The following THSD7A variants were observed in gnomAD, a reference collection of about 807,000 sequenced individuals.
The protein encoded by THSD7A is thrombospondin type 1 domain containing 7A, also known as thrombospondin type-1 domain-containing protein 7A.
A neutral mutation model predicts 231.3 loss-of-function variants in THSD7A; 96 were observed. The observed-to-expected ratio is 0.41, with a 90% CI of 0.35 to 0.49. THSD7A has a LOEUF of 0.49. THSD7A is among the 20% of genes least tolerant of loss of function. THSD7A has a pLI of 0.05. For synonymous variants in THSD7A, 940 were observed against 743.3 expected, an observed-to-expected ratio of 1.26 and a Z score of -4.30; for missense variants, 2,290 against 2,070.2, an observed-to-expected ratio of 1.11 and a Z score of -2.06.
At chr7:11,669,717 C>G (rs1332883874) in intron 1 of THSD7A, among the ~76,000 whole-genome samples, 1 of 151,874 alleles carries the variant, frequency 6.6e-6, no homozygotes, top group Non-Finnish European at 1.5e-5. Flanking sequence ...TGAGTCATAA[C>G]TAGAATCCAA....
intron 4 of THSD7A, among the ~76,000 whole-genome samples, chr7:11,559,200 G>C (rs1048022829): frequency 6.6e-6 from 1 of 152,138 alleles, no homozygotes; most frequent in Non-Finnish European, 1.5e-5. Flanking sequence ...TCCTCCCCTA[G>C]AGCCTCCAGA....
At chr7:11,500,255 T>C (rs745716541) in intron 6 of THSD7A, among the ~76,000 whole-genome samples, 6 of 152,330 alleles carry the variant, frequency 3.9e-5, no homozygotes, top group South Asian at 4.1e-4. Flanking sequence ...AGAAATAAGA[T>C]GCTTTTCAGA....
At chr7:11,463,538 G>A (rs916744159) in intron 9 of THSD7A, among the ~76,000 whole-genome samples, 5 of 152,104 alleles carry the variant, frequency 3.3e-5, no homozygotes, top group Non-Finnish European at 5.9e-5. Flanking sequence ...CTATCCCAAT[G>A]TAAGATTCTG....
intron 9 of THSD7A, among the ~76,000 whole-genome samples, chr7:11,469,278 A>T (rs7791675): frequency 0.35 from 53,959 of 152,058 alleles, 10,164 homozygotes; most frequent in Middle Eastern, 0.46. Context: ...AAAGACCCTG[A>T]CCTAGAGGGT....
chr7:11,729,412 C>A (rs1781651875), intron 1 of THSD7A, among the ~76,000 whole-genome samples: 1 of 151,674 alleles, frequency 6.6e-6, no homozygotes, highest in South Asian at 2.1e-4. Context: ...AAATAACATT[C>A]ACTCATTGTA....
chr7:11,551,649 C>T (rs1789632045), intron 4 of THSD7A, among the ~76,000 whole-genome samples: 1 of 151,956 alleles, frequency 6.6e-6, no homozygotes, highest in African/African-American at 2.4e-5. Context: ...ATGAGATAAC[C>T]ATCTCACACC....
chr7:11,514,562 T>C (rs1304359741), intron 6 of THSD7A, among the ~76,000 whole-genome samples: 2 of 152,156 alleles, frequency 1.3e-5, no homozygotes, highest in Non-Finnish European at 2.9e-5. Flanking sequence ...GGAGTTTCAA[T>C]TTTATGAGTA....
chr7:11,579,358 A>T (rs1343273697), intron 4 of THSD7A, among the ~76,000 whole-genome samples: 1 of 152,218 alleles, frequency 6.6e-6, no homozygotes, highest in East Asian at 1.9e-4. Context: ...TTTAGATAGC[A>T]GGAGTGTGCC....
intron 6 of THSD7A, among the ~76,000 whole-genome samples, chr7:11,482,518 T>C (rs1433772995): frequency 6.6e-6 from 1 of 152,178 alleles, no homozygotes; most frequent in Non-Finnish European, 1.5e-5. Flanking sequence ...TAGTTGGAAA[T>C]AGACAGGAAA....
intron 23 of THSD7A, among the ~76,000 whole-genome samples, chr7:11,396,612 A>G (rs972924208): frequency 6.6e-6 from 1 of 152,168 alleles, no homozygotes; most frequent in African/African-American, 2.4e-5. Context: ...GACCAATAAC[A>G]AGTTCTAAAA....
intron 16 of THSD7A, among the ~76,000 whole-genome samples, chr7:11,424,099 C>T (rs887135123): frequency 1.3e-5 from 2 of 152,196 alleles, no homozygotes; most frequent in Non-Finnish European, 2.9e-5. Flanking sequence ...CGCTCTCCAA[C>T]AGATAGCTGC....
At chr7:11,719,487 A>G (rs777193429) in intron 1 of THSD7A, among the ~76,000 whole-genome samples, 69 of 151,672 alleles carry the variant, frequency 4.5e-4, no homozygotes, top group Admixed American at 9.9e-4. Context: ...ACTCTCATTA[A>G]TTGACAATTT....
chr7:11,425,114 C>T (rs963269488), intron 15 of THSD7A, among the ~76,000 whole-genome samples: 2 of 152,136 alleles, frequency 1.3e-5, no homozygotes, highest in Non-Finnish European at 2.9e-5. Context: ...ACCCTTAACA[C>T]ACCGTATTGT....
chr7:11,772,799 C>A (rs1377189328), intron 1 of THSD7A, among the ~76,000 whole-genome samples: 1 of 152,090 alleles, frequency 6.6e-6, no homozygotes, highest in Admixed American at 6.5e-5. Context: ...CATTTCTAAA[C>A]CAATTCCGGT....
intron 2 of THSD7A, among the ~76,000 whole-genome samples, chr7:11,601,621 G>A (rs1260534226): frequency 6.6e-6 from 1 of 152,164 alleles, no homozygotes; most frequent in Non-Finnish European, 1.5e-5. Context: ...GTGCTGCATG[G>A]ACATCTAGGA....
intron 1 of THSD7A, among the ~76,000 whole-genome samples, chr7:11,648,572 A>G (rs565845092): frequency 4.9e-4 from 74 of 151,786 alleles, no homozygotes; most frequent in African/African-American, 1.5e-3. Flanking sequence ...ACTCCAGCCA[A>G]AAAGTTAGTG....
At chr7:11,388,818 C>G (rs1229350789) in intron 23 of THSD7A, among the ~76,000 whole-genome samples, 2 of 152,126 alleles carry the variant, frequency 1.3e-5, no homozygotes, top group Admixed American at 6.5e-5. Flanking sequence ...AAACTTCCCT[C>G]TGGTACTTTG....
At chr7:11,606,093 G>T (rs1354081501) in intron 2 of THSD7A, among the ~76,000 whole-genome samples, 2 of 152,094 alleles carry the variant, frequency 1.3e-5, no homozygotes, top group Admixed American at 6.6e-5. Flanking sequence ...TGTTTGTTGG[G>T]GTGTGCAATG....
rs1783153414 is a variant in THSD7A, at chr7:11,769,333, G to A, written c.190+62424C>T. 2.0e-5 allele frequency among the ~76,000 whole-genome samples: 3 copies of A among 150,418 alleles called. No individual in the cohort carries two copies. The South Asian group carries it at 6.3e-4, about 32-fold the overall frequency. ...TTTGAAAGCAATCACCTGTAGAGCAGCCTACTCTGGAAAATTAATTGCAAA... is the reference window on the plus strand; with the variant it reads ...TTTGAAAGCAATCACCTGTAGAGCAACCTACTCTGGAAAATTAATTGCAAA... On this transcript the variant is annotated intron_variant, in intron 1 of 27. Coordinates refer to ENST00000423059, the MANE Select transcript of THSD7A (RefSeq NM_015204.3).
Sources: gnomAD v4.1 joint callset for allele counts (sites outside exome capture counted in the v4.1 genomes callset) on GRCh38, gnomAD v4.1.1 for gene constraint, MANE v1.5 for transcripts, NCBI Gene and HGNC (gene_info 2026-07-23, HGNC 2026-07-21) for gene names.